Variants in LGALS1 observed in about 807,000 individuals in gnomAD.
LGALS1 encodes the protein galectin 1, also known as galectin-1.
LGALS1 carries 14 observed loss-of-function variants against 14.4 expected under a neutral mutation model. That is an observed-to-expected ratio of 0.97 (90% confidence interval 0.64 to 1.52). The LOEUF (loss-of-function observed/expected upper bound fraction) is 1.52. LGALS1 is among the 40% of genes most tolerant of loss of function. LGALS1 has a pLI of 0.00. For synonymous variants in LGALS1, 71 were observed against 73.4 expected, an observed-to-expected ratio of 0.97 and a Z score of 0.17; for missense variants, 170 against 181.4, an observed-to-expected ratio of 0.94 and a Z score of 0.36.
chr22:37,675,724 AC>A lies in LGALS1; in HGVS notation c.9+22del, dbSNP rs374036530. 2.2e-3 allele frequency: 2,977 copies of A among 1,371,222 alleles called. No individual in the cohort carries two copies. Among genetic ancestry groups the A allele is most frequent in the Admixed American group, 5.4e-3 (229 of 42,800 alleles). 84.9% of individuals were successfully genotyped at this position (1,371,222 alleles called of 1,614,324 possible). On this transcript the variant is annotated intron_variant, in intron 1 of 3. Coordinates refer to ENST00000215909, the MANE Select transcript of LGALS1 (RefSeq NM_002305.4). ...AATCATGGCTTGTGTGAGTGTGGGG[AC>A]CCCCCCCCAAGGTCCAGGGGATAGG...
In LGALS1 at chr22:37,677,028, C is replaced by T. The variant is rs1454129331; in HGVS notation, c.52C>T (p.Leu18Phe). 2 of 1,614,102 alleles carry T rather than the reference C, an allele frequency of 1.2e-6. No homozygotes were observed. Among genetic ancestry groups the T allele is most frequent in the South Asian group, 1.1e-5 (1 of 91,080 alleles). The change falls in exon 2 of 4, where the codon CTT becomes TTT. Residue 18 changes from leucine (L) to phenylalanine (F), a missense_variant. Physicochemically the swap from Leu to Phe is conservative, Grantham distance 22. Transcript: ENST00000215909. ...SNLNLKPGEC[L>F]RVRGEVAPDA... ...CCTGAATCTCAAACCTGGAGAGTGC[C>T]TTCGAGTGCGAGGCGAGGTGGCTCC...
intron 3 of LGALS1, 106 bp downstream of exon 3, chr22:37,678,760 C>A: frequency 9.1e-7 from 1 of 1,094,998 alleles, no homozygotes; most frequent in Non-Finnish European, 1.3e-6. Context: ...TTTCCCCTCC[C>A]CTTCCCTCCC....
At chr22:37,678,705 G>C in intron 3 of LGALS1, 51 bp downstream of exon 3, 1 of 1,369,952 alleles carries the variant, frequency 7.3e-7, no homozygotes, top group Non-Finnish European at 9.9e-7. Flanking sequence ...GGGTGGGCTG[G>C]GGCGGGGCTG....
chr22:37,677,024 G>A lies in LGALS1; in HGVS notation c.48G>A (p.Glu16=). The A allele has an allele frequency of 6.2e-7, 1 of 1,614,112 alleles. No individual in the cohort carries two copies. Among genetic ancestry groups the A allele is most frequent in the Non-Finnish European group, 8.5e-7 (1 of 1,180,024 alleles). ...VASNLNLKPG[E]CLRVRGEVAP... ...GCAACCTGAATCTCAAACCTGGAGA[G>A]TGCCTTCGAGTGCGAGGCGAGGTGG... The change falls in exon 2 of 4, where the codon GAG becomes GAA. Residue 16 remains glutamate, a synonymous_variant. Transcript: ENST00000215909.
intron 1 of LGALS1, chr22:37,676,014 T>C (rs1921412113): frequency 6.2e-6 from 2 of 320,892 alleles, no homozygotes; most frequent in Non-Finnish European, 1.1e-5. Context: ...TGTGGCCAAC[T>C]GGGGGACACC....
chr22:37,677,129 C>G (rs1921458183), intron 2 of LGALS1, 64 bp downstream of exon 2: 1 of 1,498,468 alleles, frequency 6.7e-7, no homozygotes, highest in Admixed American at 1.8e-5. Context: ...GAGGGCGTGG[C>G]CGGCCAAGCC....
In LGALS1 at chr22:37,675,787, G is replaced by A. The variant is rs531096914; in HGVS notation, c.9+76G>A. On this transcript the variant is annotated intron_variant, in intron 1 of 3. Transcript: ENST00000215909. ...TGGCCAGAGGAGAGCTGGGCAGATCGGGAGCAGATTCTAGCCCCAGCTGTG... is the reference window on the plus strand; with the variant it reads ...TGGCCAGAGGAGAGCTGGGCAGATCAGGAGCAGATTCTAGCCCCAGCTGTG... 50 of 1,333,902 alleles carry A rather than the reference G, an allele frequency of 3.7e-5. No homozygotes were observed. In the South Asian group the frequency reaches 7.3e-4, roughly 19 times the overall value. 82.6% of individuals were successfully genotyped at this position (1,333,902 alleles called of 1,614,324 possible).
chr22:37,679,338 G>A (rs990827123), intron 3 of LGALS1, among the ~76,000 whole-genome samples: 1 of 151,446 alleles, frequency 6.6e-6, no homozygotes, highest in African/African-American at 2.4e-5. Flanking sequence ...GGCTGAGACA[G>A]GAGAATCACT....
At position 37,675,666 on chromosome 22, in the gene LGALS1, G is replaced by A; in HGVS notation, c.-37G>A. The A allele has an allele frequency of 6.5e-7, 1 of 1,548,048 alleles. No homozygotes were observed. The highest frequency in any genetic ancestry group is 8.7e-7 in the Non-Finnish European group (1 of 1,146,378). ...TCTCGGGTGGAGTCTTCTGACAGCT[G>A]GTGCGCCTGCCCGGGAACATCCTCC... On this transcript the variant is annotated 5_prime_UTR_variant, in exon 1 of 4. Transcript: ENST00000215909.
rs910081863 is a variant in LGALS1 at position 37,678,900 on chromosome 22, C to T, written c.261+246C>T. ...ATCCCAGCACTTTGGGAGGCCGAGG[C>T]GGGCGGATCACCTGAGGTCGGGAGT... is the stretch of plus-strand genomic sequence containing the variant. On this transcript the variant is annotated intron_variant, in intron 3 of 3. Coordinates refer to ENST00000215909, the MANE Select transcript of LGALS1 (RefSeq NM_002305.4). Among the ~76,000 whole-genome samples, 14 of 152,034 alleles carry T rather than the reference C, an allele frequency of 9.2e-5. No individual in the cohort carries two copies. In the East Asian group the frequency reaches 1.2e-3, roughly 13 times the overall value.
intron 1 of LGALS1, 75 bp from the exon 2 acceptor site, chr22:37,676,911 C>A: frequency 6.6e-7 from 1 of 1,521,490 alleles, no homozygotes; most frequent in Middle Eastern, 1.7e-4. Flanking sequence ...ACTCCCACCC[C>A]CAGCCACCCC....
chr22:37,679,270 T>C (rs1017116196), intron 3 of LGALS1, among the ~76,000 whole-genome samples: 1 of 148,810 alleles, frequency 6.7e-6, no homozygotes, highest in Admixed American at 6.7e-5. Flanking sequence ...CGTCTCTATA[T>C]AAATACAAAA....
At chr22:37,678,824 A>AATAAAAC (rs1921531608) in intron 3 of LGALS1, among the ~76,000 whole-genome samples, 170 bp downstream of exon 3, 1 of 152,090 alleles carries the variant, frequency 6.6e-6, no homozygotes, top group Admixed American at 6.6e-5. Flanking sequence ...GGTTGATTAC[A>AATAAAAC]ATAAAACGAA....
chr22:37,679,372 A>C (rs1025487101), intron 3 of LGALS1, among the ~76,000 whole-genome samples: 1 of 151,838 alleles, frequency 6.6e-6, no homozygotes, highest in Admixed American at 6.6e-5. Flanking sequence ...CGGAGGTTGC[A>C]GTGAGCCGAG....
intron 2 of LGALS1, 190 bp from the exon 3 acceptor site, chr22:37,678,293 T>G: frequency 1.4e-6 from 1 of 720,084 alleles, no homozygotes; most frequent in South Asian, 1.5e-5. Context: ...CAGCCCCCAT[T>G]GTACAGATGA....
chr22:37,676,677 C>T (rs1921437961), intron 1 of LGALS1, among the ~76,000 whole-genome samples: 2 of 152,126 alleles, frequency 1.3e-5, no homozygotes, highest in South Asian at 2.1e-4. Context: ...GACAGAGCAC[C>T]CCATCTCCCA....
chr22:37,676,821 G>A (rs1366602489), intron 1 of LGALS1, 165 bp from the exon 2 acceptor site: 1 of 742,004 alleles, frequency 1.3e-6, no homozygotes, highest in Non-Finnish European at 2.4e-6. Context: ...ATAGACAATC[G>A]GAGGCTGGAA....
intron 3 of LGALS1, among the ~76,000 whole-genome samples, 160 bp downstream of exon 3, chr22:37,678,814 G>T (rs1309335820): frequency 1.3e-5 from 2 of 152,060 alleles, no homozygotes; most frequent in Non-Finnish European, 2.9e-5. Flanking sequence ...GAACCTCAGT[G>T]GTTGATTACA....
In LGALS1 at chr22:37,679,800, G is replaced by A. The variant is rs759141205; in HGVS notation, c.*51G>A. On this transcript the variant is annotated 3_prime_UTR_variant, in exon 4 of 4. Coordinates refer to ENST00000215909, the MANE Select transcript of LGALS1 (RefSeq NM_002305.4). Reference sequence around the variant, plus strand: ...AAAGGCAGCTGCCTCTGCTCCCTCTGAACCAGCCTCGTGTGTGTGCTTGTG... The same window carrying A: ...AAAGGCAGCTGCCTCTGCTCCCTCTAAACCAGCCTCGTGTGTGTGCTTGTG... 5 of 1,527,242 alleles carry A rather than the reference G, an allele frequency of 3.3e-6. No individual in the cohort carries two copies. In the East Asian group the frequency reaches 1.2e-4, roughly 37 times the overall value. 94.6% of individuals were successfully genotyped at this position (1,527,242 alleles called of 1,614,324 possible).
Sources: allele counts gnomAD v4.1 joint callset (sites outside exome capture counted in the v4.1 genomes callset), GRCh38; gene constraint gnomAD v4.1.1; transcripts MANE v1.5; gene names NCBI Gene and HGNC (gene_info 2026-07-23, HGNC 2026-07-21).